CDH23: variants seen among roughly 807,000 people sequenced by gnomAD.
CDH23 encodes the protein cadherin-23.
A neutral mutation model predicts 317.1 loss-of-function variants in CDH23; 189 were observed. That is an observed-to-expected ratio of 0.60 (90% CI 0.53 to 0.67). CDH23 has a LOEUF of 0.67. Among genes scored for constraint, CDH23 ranks in the 30% least tolerant of loss-of-function variants. The probability of loss-of-function intolerance (pLI) is 0.00; values close to 1 mark genes in which losing one functional copy is unlikely to be tolerated. For synonymous variants in CDH23, 1,839 were observed against 1,876.8 expected (o/e 0.98, Z 0.52); for missense variants, 4,401 against 4,592.4 (o/e 0.96, Z 1.20).
At chr10:71,790,177 C>T in intron 45 of CDH23, 111 bp from the exon 46 acceptor site, 1 of 1,442,690 alleles carries the variant, frequency 6.9e-7, no homozygotes, top group Middle Eastern at 2.3e-4. Context: ...TCCACCTCAC[C>T]TCCCTCCCCT....
chr10:71,755,848 T>A (rs529827005), intron 38 of CDH23, among the ~76,000 whole-genome samples: 89 of 152,058 alleles, frequency 5.9e-4, no homozygotes, highest in Admixed American at 1.0e-3. Flanking sequence ...GAGCTCAAGG[T>A]CAAAAGAAGC....
intron 14 of CDH23, among the ~76,000 whole-genome samples, chr10:71,654,739 C>T (rs1863340848): frequency 6.6e-6 from 1 of 152,160 alleles, no homozygotes; most frequent in Non-Finnish European, 1.5e-5. Context: ...CATGTAGCCT[C>T]CCCACGTGTC....
intron 8 of CDH23, among the ~76,000 whole-genome samples, chr10:71,572,790 G>T (rs180810657): frequency 6.6e-6 from 1 of 152,072 alleles, no homozygotes; most frequent in Non-Finnish European, 1.5e-5. Context: ...TTATAGTCTC[G>T]CCTGTAATGT....
chr10:71,774,049 GCGCACACACACA>G (rs1392756873), intron 38 of CDH23, among the ~76,000 whole-genome samples: 23 of 145,586 alleles, frequency 1.6e-4, no homozygotes, highest in African/African-American at 3.1e-4. Context: ...GCATGCGCGC[GCGCACACACACA>G]CACACACACA....
intron 1 of CDH23, among the ~76,000 whole-genome samples, chr10:71,432,297 T>TGA (rs10655098): frequency 0.82 from 121,931 of 147,910 alleles, 50,588 homozygotes; most frequent in African/African-American, 0.93. Flanking sequence ...AGTGTGTGTG[T>TGA]GAGTGTGTGA....
Position 71,815,293 on chromosome 10 carries a change from C to G in CDH23, c.*15C>G, listed in dbSNP as rs1446581845. Reference sequence around the variant, plus strand: ...CAGAGCTGTGACTAGACAGGGAAGCCTTGTGGGTGTGAGCAGCACCCATCC... The same window carrying G: ...CAGAGCTGTGACTAGACAGGGAAGCGTTGTGGGTGTGAGCAGCACCCATCC... On this transcript the variant is annotated 3_prime_UTR_variant, in exon 70 of 70. Coordinates refer to ENST00000224721, the MANE Select transcript of CDH23 (RefSeq NM_022124.6). The G allele has an allele frequency of 6.5e-7, 1 of 1,546,034 alleles. No homozygotes were observed. Among genetic ancestry groups the G allele is most frequent in the East Asian group, 2.3e-5 (1 of 43,868 alleles).
At chr10:71,686,626 G>A (rs996343074) in intron 18 of CDH23, among the ~76,000 whole-genome samples, 2 of 152,116 alleles carry the variant, frequency 1.3e-5, no homozygotes, top group Non-Finnish European at 2.9e-5. Flanking sequence ...TGAGAAGCCA[G>A]GCCTTCTCAT....
intron 9 of CDH23, among the ~76,000 whole-genome samples, chr10:71,588,993 C>T (rs1463579423): frequency 6.6e-6 from 1 of 152,162 alleles, no homozygotes; most frequent in East Asian, 1.9e-4. Context: ...CACTGCGTGC[C>T]CCTCCCCACT....
chr10:71,490,444 G>A (rs1163659771), intron 3 of CDH23, among the ~76,000 whole-genome samples: 2 of 152,130 alleles, frequency 1.3e-5, no homozygotes, highest in Non-Finnish European at 2.9e-5. Flanking sequence ...CACATGGTAG[G>A]TCCTCCGTAA....
chr10:71,500,723 C>G (rs144967965), intron 3 of CDH23, among the ~76,000 whole-genome samples: 2,568 of 152,218 alleles, frequency 0.017, 59 homozygotes, highest in African/African-American at 0.053. Flanking sequence ...TCCTGGCTTG[C>G]TGACCTTGGG....
chr10:71,446,426 A>T (rs924457478), intron 3 of CDH23, 31 bp downstream of exon 3: 1 of 1,604,892 alleles, frequency 6.2e-7, no homozygotes, highest in Non-Finnish European at 8.5e-7. Context: ...GTGGGCGTGC[A>T]GATGGCCTGG....
intron 38 of CDH23, among the ~76,000 whole-genome samples, chr10:71,744,375 C>T (rs1839806473): frequency 6.6e-6 from 1 of 152,156 alleles, no homozygotes; most frequent in Non-Finnish European, 1.5e-5. Context: ...TAAGACCCTG[C>T]AGTTTGTAGG....
Position 71,483,835 on chromosome 10 carries a change from A to G in CDH23, c.146-26247A>G, listed in dbSNP as rs926326370. 6.6e-5 allele frequency among the ~76,000 whole-genome samples: 10 copies of G among 152,056 alleles called. 1 individual carries two copies. The South Asian group carries it at 8.5e-4, about 13-fold the overall frequency. ...ACTGTTTTGGTGTACATGCTCACACACATTTCCTGTGTTTCTGTGTTCACT... is the reference window on the plus strand; with the variant it reads ...ACTGTTTTGGTGTACATGCTCACACGCATTTCCTGTGTTTCTGTGTTCACT... On this transcript the variant is annotated intron_variant, in intron 3 of 69. Coordinates refer to ENST00000224721, the MANE Select transcript of CDH23 (RefSeq NM_022124.6).
chr10:71,611,281 G>T (rs4747171), intron 9 of CDH23, among the ~76,000 whole-genome samples: 30 of 152,124 alleles, frequency 2.0e-4, no homozygotes, highest in Admixed American at 1.9e-3. Context: ...CCTGAATGAG[G>T]GGGGAGCAGA....
At chr10:71,453,353 G>A (rs1397443793) in intron 3 of CDH23, among the ~76,000 whole-genome samples, 4 of 152,338 alleles carry the variant, frequency 2.6e-5, no homozygotes, top group East Asian at 1.9e-4. Context: ...GGCTGACCCC[G>A]CATCGGCAGT....
chr10:71,628,034 A>G (rs947832347), intron 11 of CDH23, among the ~76,000 whole-genome samples: 3 of 151,884 alleles, frequency 2.0e-5, no homozygotes, highest in African/African-American at 4.8e-5. Context: ...CCCATTGGCC[A>G]CCCCACCTCA....
At chr10:71,439,357 G>T (rs1849763790) in intron 1 of CDH23, among the ~76,000 whole-genome samples, 1 of 152,200 alleles carries the variant, frequency 6.6e-6, no homozygotes, top group South Asian at 2.1e-4. Context: ...GGGCTTGTTG[G>T]ACTTGCCAAG....
chr10:71,761,581 G>A (rs41281324), intron 38 of CDH23: 59,431 of 1,555,160 alleles, frequency 0.038, 1,311 homozygotes, highest in Non-Finnish European at 0.045. Context: ...AGGCTGTCAC[G>A]TGCAGGATGC....
intron 2 of CDH23, among the ~76,000 whole-genome samples, chr10:71,445,388 G>A (rs1302341708): frequency 6.6e-6 from 1 of 152,140 alleles, no homozygotes; most frequent in Non-Finnish European, 1.5e-5. Flanking sequence ...TCGTCTTGTG[G>A]GTTGTCTAAG....
Sources: gnomAD v4.1 joint callset for allele counts (sites outside exome capture counted in the v4.1 genomes callset) on GRCh38, gnomAD v4.1.1 for gene constraint, MANE v1.5 for transcripts, NCBI Gene and HGNC (gene_info 2026-07-23, HGNC 2026-07-21) for gene names.